ZNF799: variants seen among roughly 807,000 people sequenced by gnomAD.
ZNF799 encodes zinc finger protein 14.
A neutral mutation model predicts 41.0 loss-of-function variants in ZNF799; 28 were observed. The observed-to-expected ratio is 0.68, with a 90% CI of 0.51 to 0.94. The LOEUF is 0.94. Ranked by LOEUF, ZNF799 falls within the 40% of genes least tolerant of loss-of-function variation. The pLI is 0.00. For synonymous variants in ZNF799, 213 were observed against 252.9 expected, an observed-to-expected ratio of 0.84 and a Z score of 1.50; for missense variants, 716 against 764.3, an observed-to-expected ratio of 0.94 and a Z score of 0.74.
At position 12,390,807 on chromosome 19, in the gene ZNF799, G is replaced by A; in HGVS notation, c.1591C>T (p.Pro531Ser). Residue 531 changes from proline (P) to serine (S), a missense_variant, in exon 4 of 4, where the codon CCG becomes TCG. By Grantham distance (74) the Pro-to-Ser change is moderately conservative (BLOSUM62 -1). Coordinates refer to ENST00000430385, the MANE Select transcript of ZNF799 (RefSeq NM_001080821.3). ...VHERIHSGEK[P>S]YECKECGKAF... ...TTCCCACATTCCTTACATTCATACG[G>A]CTTCTCTCCAGAGTGAATTCTTTCA... is the stretch of plus-strand genomic sequence containing the variant. 1 of 1,614,156 alleles carries A rather than the reference G, an allele frequency of 6.2e-7. No homozygotes were observed. The highest frequency in any genetic ancestry group is 1.1e-5 in the South Asian group (1 of 91,080).
chr19:12,407,038 GA>G, the ZNF799 span, among the ~76,000 whole-genome samples: 1 of 152,128 alleles, frequency 6.6e-6, no homozygotes, highest in Non-Finnish European at 1.5e-5. Flanking sequence ...CATCTAAAAT[GA>G]AGACAAAACA....
chr19:12,399,451 T>A (rs1194515496), intron 1 of ZNF799, among the ~76,000 whole-genome samples: 1 of 151,956 alleles, frequency 6.6e-6, no homozygotes, highest in Non-Finnish European at 1.5e-5. Context: ...AAACTAGGGT[T>A]GGGAAGAAAA....
At chr19:12,393,711 A>C (rs542445309) in intron 1 of ZNF799, 532 of 1,221,880 alleles carry the variant, frequency 4.4e-4, no homozygotes, top group Non-Finnish European at 5.0e-4. Context: ...TGATTTCCAC[A>C]GTGGGTCTGC....
rs915473162 is a variant in ZNF799 at position 12,394,667 on chromosome 19, G to C, written c.4-1244C>G. ...TGAGTAACGCCAAAGGGGAAAGAAA[G>C]AAGGGGAAAGACTGCACATATTCTT... On this transcript the variant is annotated intron_variant, in intron 1 of 3. Transcript: ENST00000430385. 1.6e-5 allele frequency: 16 copies of C among 985,290 alleles called. No homozygotes were observed. The African/African-American group carries it at 2.4e-4, about 15-fold the overall frequency. 61.0% of individuals were successfully genotyped at this position (985,290 alleles called of 1,614,324 possible).
At chr19:12,397,591 A>G (rs1271991045) in intron 1 of ZNF799, among the ~76,000 whole-genome samples, 1 of 151,552 alleles carries the variant, frequency 6.6e-6, no homozygotes, top group East Asian at 1.9e-4. Context: ...AGAAAGAAAG[A>G]AAGAAACAAA....
chr19:12,392,332 G>A (rs199532737), intron 3 of ZNF799, 126 bp from the exon 4 acceptor site: 84 of 1,389,706 alleles, frequency 6.0e-5, no homozygotes, highest in African/African-American at 1.3e-4. Flanking sequence ...CTGCTTGAAC[G>A]TGAATGGATG....
upstream of ZNF799, among the ~76,000 whole-genome samples, chr19:12,404,471 GT>G (rs1330812137): frequency 6.6e-6 from 1 of 151,078 alleles, no homozygotes; most frequent in Admixed American, 6.6e-5. Flanking sequence ...TTTCACTCTT[GT>G]TGCCCACGCT....
chr19:12,403,888 T>A (rs977496747), upstream of ZNF799, among the ~76,000 whole-genome samples: 1 of 152,168 alleles, frequency 6.6e-6, no homozygotes, highest in African/African-American at 2.4e-5. Flanking sequence ...GGTGCTTATA[T>A]CTATAAACTT....
upstream of ZNF799, among the ~76,000 whole-genome samples, chr19:12,402,569 C>G (rs1036271806): frequency 6.6e-6 from 1 of 152,104 alleles, no homozygotes; most frequent in Non-Finnish European, 1.5e-5. Flanking sequence ...AGCTGTGGGT[C>G]TGCCATATAT....
intron 1 of ZNF799, among the ~76,000 whole-genome samples, chr19:12,396,916 CAG>C (rs566886928): frequency 8.4e-4 from 128 of 151,994 alleles, no homozygotes; most frequent in African/African-American, 2.9e-3. Flanking sequence ...GTTAGAAACT[CAG>C]ATCATACACA....
Position 12,391,655 on chromosome 19 carries a change from G to T in ZNF799, c.743C>A (p.Thr248Asn), listed in dbSNP as rs992926996. 1.9e-6 allele frequency: 3 copies of T among 1,610,966 alleles called. No individual in the cohort carries two copies. The African/African-American group carries it at 4.0e-5, about 22-fold the overall frequency. The change falls in exon 4 of 4, where the codon ACT becomes AAT. Residue 248 changes from threonine (T) to asparagine (N), a missense_variant. Physicochemically the swap from Thr to Asn is moderately conservative, Grantham distance 65. This residue lies in a region of ZNF799 where 698 missense variants were observed against 713.6 expected (regional missense o/e 0.98). Transcript: ENST00000430385. ...SSYLRHERTH[T>N]GEKLYECKQC... ...TTTACATTCATACAGTTTCTCCCCA[G>T]TATGTGTTCTTTCATGTCTTAGATA...
In ZNF799 at chr19:12,401,196, C is replaced by T; in HGVS notation, c.-126G>A. On this transcript the variant is annotated 5_prime_UTR_variant, in exon 1 of 4. Coordinates refer to ENST00000430385, the MANE Select transcript of ZNF799 (RefSeq NM_001080821.3). The stretch of plus-strand genomic sequence containing the variant: ...TAGCTACAGAGCCGAGCACCGAGCG[C>T]CCAGCGCAGGTGGGTGGAGAAGACG... The T allele has an allele frequency of 1.9e-6, 3 of 1,572,546 alleles. No individual in the cohort carries two copies. The highest frequency in any genetic ancestry group is 2.6e-6 in the Non-Finnish European group (3 of 1,160,892).
chr19:12,415,059 G>A, the ZNF799 span, among the ~76,000 whole-genome samples: 5 of 152,212 alleles, frequency 3.3e-5, no homozygotes, highest in African/African-American at 1.2e-4. Flanking sequence ...AAAGCATTGT[G>A]AGGCCAGGCG....
upstream of ZNF799, among the ~76,000 whole-genome samples, chr19:12,403,314 TTC>T (rs985106862): frequency 2.0e-5 from 3 of 152,112 alleles, no homozygotes; most frequent in African/African-American, 7.2e-5. Flanking sequence ...ATTTGGGCCT[TTC>T]TGTTTTTTTC....
upstream of ZNF799, among the ~76,000 whole-genome samples, chr19:12,405,550 A>G (rs1568506942): frequency 6.6e-6 from 1 of 152,194 alleles, no homozygotes; most frequent in Non-Finnish European, 1.5e-5. Flanking sequence ...ACAAAGACTG[A>G]AAGAGGTAAG....
the ZNF799 span, among the ~76,000 whole-genome samples, chr19:12,414,603 A>T: frequency 2.6e-5 from 4 of 152,190 alleles, no homozygotes; most frequent in Non-Finnish European, 5.9e-5. Context: ...CTCCCACCTT[A>T]TCTCTCAATC....
chr19:12,390,356 A>G lies in ZNF799; in HGVS notation c.*110T>C, dbSNP rs1403578106. 3.8e-6 allele frequency: 6 copies of G among 1,582,392 alleles called. No homozygotes were observed. Among genetic ancestry groups the G allele is most frequent in the South Asian group, 2.3e-5 (2 of 85,896 alleles). On this transcript the variant is annotated 3_prime_UTR_variant, in exon 4 of 4. Transcript: ENST00000430385. Reference sequence around the variant, plus strand: ...AGAAACTGAAATTACTTAAGGTTTTACCAAGTGCTTACATTCACAGGGTCT... The same window carrying G: ...AGAAACTGAAATTACTTAAGGTTTTGCCAAGTGCTTACATTCACAGGGTCT...
chr19:12,396,012 T>C (rs1480438000), intron 1 of ZNF799, among the ~76,000 whole-genome samples: 2 of 152,220 alleles, frequency 1.3e-5, no homozygotes, highest in African/African-American at 4.8e-5. Flanking sequence ...ACTTTGAAAA[T>C]GTTATTAAAC....
At chr19:12,393,664 A>G (rs1355825579) in intron 1 of ZNF799, 1 of 1,361,134 alleles carries the variant, frequency 7.3e-7, no homozygotes, top group African/African-American at 1.5e-5. Context: ...TGGCGAACTG[A>G]GTGAGTGAAT....
Sources: gnomAD v4.1 joint callset for allele counts (sites outside exome capture counted in the v4.1 genomes callset) on GRCh38, gnomAD v4.1.1 for gene constraint, gnomAD v4.1.1 regional missense constraint, MANE v1.5 for transcripts, NCBI Gene and HGNC (gene_info 2026-07-23, HGNC 2026-07-21) for gene names.